The following PRKAR2A variants were observed in gnomAD, a reference collection of about 807,000 sequenced individuals.
PRKAR2A encodes protein kinase cAMP-dependent type II regulatory subunit alpha, also known as cAMP-dependent protein kinase type II-alpha regulatory subunit.
A neutral mutation model predicts 51.9 loss-of-function variants in PRKAR2A; 29 were observed. The ratio of observed to expected loss-of-function variants is 0.56; its 90% CI spans 0.42 to 0.76. The LOEUF is 0.76. Ranked by LOEUF, PRKAR2A falls within the 30% of genes least tolerant of loss-of-function variation. The pLI is 0.00. For missense variants in PRKAR2A, 445 were observed against 512.1 expected (o/e 0.87, Z 1.26); for synonymous variants, 178 against 186.2 (o/e 0.96, Z 0.36).
chr3:48,779,447 G>C (rs1272948120), intron 5 of PRKAR2A, among the ~76,000 whole-genome samples: 1 of 151,972 alleles, frequency 6.6e-6, no homozygotes, highest in African/African-American at 2.4e-5. Flanking sequence ...AGGGCAAAGG[G>C]GAAAGGTGGC....
At chr3:48,822,875 G>A (rs889191420) in intron 1 of PRKAR2A, among the ~76,000 whole-genome samples, 2 of 152,024 alleles carry the variant, frequency 1.3e-5, no homozygotes, top group Non-Finnish European at 1.5e-5. Context: ...TAGGGGAAGG[G>A]AAGAATTGAG....
intron 6 of PRKAR2A, 87 bp from the exon 7 acceptor site, chr3:48,765,436 G>A (rs930272354): frequency 1.7e-5 from 15 of 865,914 alleles, no homozygotes; most frequent in Non-Finnish European, 2.5e-5. Flanking sequence ...AAATATTAGA[G>A]GAATATGTAA....
intron 1 of PRKAR2A, among the ~76,000 whole-genome samples, chr3:48,808,706 A>G (rs2082721574): frequency 9.2e-6 from 1 of 108,820 alleles, no homozygotes; most frequent in Admixed American, 9.7e-5. Context: ...TAGTAGAGAC[A>G]GGGTTTTGCC....
chr3:48,785,760 A>G (rs535934250), intron 4 of PRKAR2A, among the ~76,000 whole-genome samples: 102 of 152,300 alleles, frequency 6.7e-4, no homozygotes, highest in African/African-American at 2.3e-3. Flanking sequence ...TCATGATGTC[A>G]TAAATGGCTC....
At chr3:48,835,639 CAAAAAA>C (rs760971706) in intron 1 of PRKAR2A, among the ~76,000 whole-genome samples, 2 of 48,530 alleles carry the variant, frequency 4.1e-5, no homozygotes, top group Non-Finnish European at 8.3e-5. Flanking sequence ...GACTCCGTCT[CAAAAAA>C]AAAAAAAAAA....
chr3:48,787,779 A>G (rs1312824069), intron 4 of PRKAR2A, among the ~76,000 whole-genome samples: 1 of 152,106 alleles, frequency 6.6e-6, no homozygotes, highest in Non-Finnish European at 1.5e-5. Context: ...TGTAAACCAC[A>G]CAGTTATTAG....
At chr3:48,800,738 T>A (rs2082576541) in intron 2 of PRKAR2A, among the ~76,000 whole-genome samples, 1 of 151,662 alleles carries the variant, frequency 6.6e-6, no homozygotes, top group Non-Finnish European at 1.5e-5. Flanking sequence ...CGGCGCAATC[T>A]CCTCGGCTCA....
rs1461834331 is a variant in PRKAR2A at position 48,780,591 on chromosome 3, A to G, written c.542+2395T>C. On this transcript the variant is annotated intron_variant, in intron 5 of 10. Coordinates refer to ENST00000265563, the MANE Select transcript of PRKAR2A (RefSeq NM_004157.4). ...GCACTCCAGCCTGAGCGACAGAGCA[A>G]GACTCCGTCTCAAAAAAAAAAAAAA... Among the ~76,000 whole-genome samples, 12 of 149,124 alleles carry G rather than the reference A, an allele frequency of 8.0e-5. No individual in the cohort carries two copies. In the Admixed American group the frequency reaches 8.1e-4, roughly 10 times the overall value.
intron 3 of PRKAR2A, among the ~76,000 whole-genome samples, chr3:48,791,623 A>G: frequency 7.0e-6 from 1 of 142,452 alleles, no homozygotes; most frequent in African/African-American, 2.6e-5. Flanking sequence ...AAAGCTGGGC[A>G]TGGTGGCTCA....
chr3:48,806,771 A>C lies in PRKAR2A; in HGVS notation c.298+878T>G, dbSNP rs530870426. ...ACAAATAGATTTCTCATATTTGGAA[A>C]GCATTCTTTTTTTTTTTTGAGACAG... is the stretch of plus-strand genomic sequence containing the variant. On this transcript the variant is annotated intron_variant, in intron 2 of 10. Transcript: ENST00000265563. 4.6e-5 allele frequency among the ~76,000 whole-genome samples: 7 copies of C among 152,240 alleles called. No individual in the cohort carries two copies. In the South Asian group the frequency reaches 1.5e-3, roughly 32 times the overall value.
chr3:48,767,253 C>T (rs1000494838), intron 6 of PRKAR2A, among the ~76,000 whole-genome samples: 44 of 150,480 alleles, frequency 2.9e-4, no homozygotes, highest in Admixed American at 2.7e-3. Flanking sequence ...CCGAGGCAGA[C>T]GGATCGCTTG....
In PRKAR2A at chr3:48,751,642, C is replaced by T; in HGVS notation, c.1158G>A (p.Glu386=). 1 of 1,614,034 alleles carries T rather than the reference C, an allele frequency of 6.2e-7. No individual in the cohort carries two copies. The highest frequency in any genetic ancestry group is 1.1e-5 in the South Asian group (1 of 91,076). ...DIMKRNISHY[E]EQLVKMFGSS... The stretch of plus-strand genomic sequence containing the variant: ...AGCCAAACATCTTCACCAGCTGTTC[C>T]TCATAGTGTGAGATGTTCCTCTTCA... The change falls in exon 11 of 11, where the codon GAG becomes GAA. Residue 386 remains glutamate, a synonymous_variant. Transcript: ENST00000265563.
At chr3:48,824,101 C>T (rs185076106) in intron 1 of PRKAR2A, among the ~76,000 whole-genome samples, 18 of 152,052 alleles carry the variant, frequency 1.2e-4, no homozygotes, top group Admixed American at 1.1e-3. Flanking sequence ...ATTAGCCAGG[C>T]GTGGTGGCAG....
At chr3:48,767,126 TAAC>T (rs1299550179) in intron 6 of PRKAR2A, among the ~76,000 whole-genome samples, 3 of 152,228 alleles carry the variant, frequency 2.0e-5, no homozygotes, top group African/African-American at 7.2e-5. Flanking sequence ...GTATCTAAGT[TAAC>T]TACCTTTCTT....
At chr3:48,763,069 T>A (rs1285838106) in intron 8 of PRKAR2A, among the ~76,000 whole-genome samples, 1 of 152,232 alleles carries the variant, frequency 6.6e-6, no homozygotes, top group Non-Finnish European at 1.5e-5. Context: ...ACTCTTCCGA[T>A]TTGTACACTT....
At chr3:48,845,452 A>G (rs766790949) in intron 1 of PRKAR2A, among the ~76,000 whole-genome samples, 42 of 152,194 alleles carry the variant, frequency 2.8e-4, no homozygotes, top group Middle Eastern at 3.2e-3. Flanking sequence ...CAGACCAGAT[A>G]CAACTCAGAA....
At position 48,847,452 on chromosome 3, in the gene PRKAR2A, C is replaced by A. The variant is rs1321912939; in HGVS notation, c.145G>T (p.Val49Phe). The change falls in exon 1 of 11, where the codon GTC becomes TTC. Residue 49 changes from valine to phenylalanine, a missense_variant. Physicochemically the swap from Val to Phe is conservative, Grantham distance 50 (BLOSUM62 -1). Coordinates refer to ENST00000265563, the MANE Select transcript of PRKAR2A (RefSeq NM_004157.4). This position sits in a 1 kb window ranked among gnomAD's most constrained non-coding sequence, Gnocchi z 4.4. ...TGGCGTGGGGTGGCGGCGGGCAGGA[C>A]TGAGGCTGGGGCGCGGGCCTCGCGC... is the stretch of plus-strand genomic sequence containing the variant. ...RLREARAPAS[V>F]LPAATPRQSL... is the part of the protein sequence containing the mutation. 2 of 1,576,110 alleles carry A rather than the reference C, an allele frequency of 1.3e-6. No individual in the cohort carries two copies. The highest frequency in any genetic ancestry group is 2.3e-5 in the South Asian group (2 of 87,002).
intron 9 of PRKAR2A, among the ~76,000 whole-genome samples, chr3:48,754,715 G>A (rs967656563): frequency 1.3e-5 from 2 of 151,574 alleles, no homozygotes; most frequent in African/African-American, 2.4e-5. Flanking sequence ...GGAGGTTGCA[G>A]TAAGCTGAGA....
chr3:48,760,074 T>G (rs1323644283), intron 8 of PRKAR2A, among the ~76,000 whole-genome samples: 1 of 152,192 alleles, frequency 6.6e-6, no homozygotes, highest in East Asian at 1.9e-4. Flanking sequence ...AACAAAAATG[T>G]AGGCCAGGTG....
Sources: allele counts gnomAD v4.1 joint callset (sites outside exome capture counted in the v4.1 genomes callset), GRCh38; gene constraint gnomAD v4.1.1; non-coding constraint Gnocchi (gnomAD v3.1); transcripts MANE v1.5; gene names NCBI Gene and HGNC (gene_info 2026-07-23, HGNC 2026-07-21).